SH3PXD2A: variants seen among roughly 807,000 people sequenced by gnomAD.
The protein encoded by SH3PXD2A is SH3 and PX domain-containing protein 2A.
Under a neutral mutation model 115.2 loss-of-function variants are expected in SH3PXD2A, and 32 were observed. The ratio of observed to expected loss-of-function variants is 0.28; its 90% CI spans 0.21 to 0.37. SH3PXD2A has a LOEUF of 0.37. Ranked by LOEUF, SH3PXD2A falls within the 10% of genes least tolerant of loss-of-function variation. The pLI is 1.00. For synonymous variants in SH3PXD2A, 610 were observed against 629.1 expected (o/e 0.97, Z 0.45); for missense variants, 1,328 against 1,498.7 (o/e 0.89, Z 1.88).
rs554267510 is a variant in SH3PXD2A at position 103,771,095 on chromosome 10, C to T, written c.154-3926G>A. On this transcript the variant is annotated intron_variant, in intron 2 of 14. Coordinates refer to ENST00000369774, the MANE Select transcript of SH3PXD2A (RefSeq NM_001394015.1). Reference sequence around the variant, plus strand: ...GAGGAGAGAGGTGGGCCCAGCAACACGCGCCCAGGTATGGAACGCTTTGTC... The same window carrying T: ...GAGGAGAGAGGTGGGCCCAGCAACATGCGCCCAGGTATGGAACGCTTTGTC... Among the ~76,000 whole-genome samples the T allele has an allele frequency of 1.5e-3, 226 of 152,264 alleles. 2 individuals carry two copies. The highest frequency in any genetic ancestry group is 2.6e-3 in the Non-Finnish European group (175 of 68,016).
intron 6 of SH3PXD2A, among the ~76,000 whole-genome samples, chr10:103,678,733 C>T (rs1187254902): frequency 6.6e-6 from 1 of 152,186 alleles, no homozygotes; most frequent in East Asian, 1.9e-4. Context: ...TCATGTGCAT[C>T]TCCTAGTGTC....
At chr10:103,630,036 G>T (rs1223489002) in intron 8 of SH3PXD2A, among the ~76,000 whole-genome samples, 3 of 152,222 alleles carry the variant, frequency 2.0e-5, no homozygotes, top group Non-Finnish European at 4.4e-5. Flanking sequence ...TTGCCTGAAG[G>T]TGGCTGGGGG....
At chr10:103,809,313 C>A (rs1468402968) in intron 1 of SH3PXD2A, among the ~76,000 whole-genome samples, 1 of 152,154 alleles carries the variant, frequency 6.6e-6, no homozygotes, top group Non-Finnish European at 1.5e-5. Context: ...AGTCCTGAGA[C>A]CATCTGACAA....
chr10:103,819,964 T>A (rs1200581807), intron 1 of SH3PXD2A, among the ~76,000 whole-genome samples: 1 of 151,788 alleles, frequency 6.6e-6, no homozygotes, highest in African/African-American at 2.4e-5. Context: ...AGAGTGGGAG[T>A]GGGTTCCCCA....
chr10:103,715,246 TG>T, intron 5 of SH3PXD2A, among the ~76,000 whole-genome samples: 1 of 152,360 alleles, frequency 6.6e-6, no homozygotes, highest in African/African-American at 2.4e-5. Flanking sequence ...ACAATCATTT[TG>T]CCACATGTAC....
At chr10:103,850,296 T>C (rs1254627137) in intron 1 of SH3PXD2A, among the ~76,000 whole-genome samples, 2 of 152,058 alleles carry the variant, frequency 1.3e-5, no homozygotes, top group Non-Finnish European at 2.9e-5. Context: ...CCAAAAGCCC[T>C]CACTCAGCTC....
intron 3 of SH3PXD2A, among the ~76,000 whole-genome samples, chr10:103,743,947 T>C (rs922661270): frequency 1.3e-5 from 2 of 152,148 alleles, no homozygotes; most frequent in African/African-American, 2.4e-5. Context: ...GAAGAGAGCA[T>C]AGAGCAGAGA....
chr10:103,675,716 T>C lies in SH3PXD2A; in HGVS notation c.428-7064A>G, dbSNP rs188936561. 5.3e-5 allele frequency among the ~76,000 whole-genome samples: 8 copies of C among 152,348 alleles called. No individual in the cohort carries two copies. The East Asian group carries it at 1.3e-3, about 26-fold the overall frequency. ...CTTGTTTAATCTTCACAACAGTCTGTAATTTACAGATGAGGAAAGTGAGGC... is the reference window on the plus strand; with the variant it reads ...CTTGTTTAATCTTCACAACAGTCTGCAATTTACAGATGAGGAAAGTGAGGC... On this transcript the variant is annotated intron_variant, in intron 6 of 14. Coordinates refer to ENST00000369774, the MANE Select transcript of SH3PXD2A (RefSeq NM_001394015.1).
chr10:103,836,706 C>CACAA (rs1554928966), intron 1 of SH3PXD2A, among the ~76,000 whole-genome samples: 1 of 149,672 alleles, frequency 6.7e-6, no homozygotes, highest in Non-Finnish European at 1.5e-5. Context: ...CACACACACA[C>CACAA]CCCTTCTTTT....
At position 103,724,255 on chromosome 10, in the gene SH3PXD2A, T is replaced by G; in HGVS notation, c.398+15A>C. The G allele has an allele frequency of 1.3e-6, 2 of 1,498,274 alleles. No homozygotes were observed. The highest frequency in any genetic ancestry group is 1.8e-6 in the Non-Finnish European group (2 of 1,104,420). The allele number at this position is 1,498,274 out of a possible 1,614,324, so 92.8% of individuals were successfully genotyped here. ...GCCTCCCCAGCACACAGGAGAGGCCTGAGCTATTACTTACTCTTTTGGAGG... is the reference window on the plus strand; with the variant it reads ...GCCTCCCCAGCACACAGGAGAGGCCGGAGCTATTACTTACTCTTTTGGAGG... On this transcript the variant is annotated intron_variant, in intron 5 of 14. Transcript: ENST00000369774.
intron 5 of SH3PXD2A, among the ~76,000 whole-genome samples, chr10:103,716,034 A>G (rs1283202953): frequency 6.6e-6 from 1 of 152,178 alleles, no homozygotes; most frequent in Non-Finnish European, 1.5e-5. Context: ...ATGGGAGGGG[A>G]GGATGAGAAA....
At chr10:103,697,048 T>C (rs1452437133) in intron 5 of SH3PXD2A, among the ~76,000 whole-genome samples, 1 of 152,094 alleles carries the variant, frequency 6.6e-6, no homozygotes, top group East Asian at 1.9e-4. Flanking sequence ...GTTCCTCTCT[T>C]GGCCCCTCCC....
At chr10:103,792,676 C>A (rs911214131) in intron 2 of SH3PXD2A, among the ~76,000 whole-genome samples, 17 of 152,142 alleles carry the variant, frequency 1.1e-4, no homozygotes. Flanking sequence ...AACCCAAGTG[C>A]CCTGGCCCTG....
intron 8 of SH3PXD2A, among the ~76,000 whole-genome samples, chr10:103,649,127 G>A (rs891488757): frequency 6.6e-6 from 1 of 152,198 alleles, no homozygotes; most frequent in Non-Finnish European, 1.5e-5. Context: ...CCCGTTTTCA[G>A]GTCCCTAGGG....
chr10:103,763,101 T>A (rs1047477090), intron 3 of SH3PXD2A, among the ~76,000 whole-genome samples: 3 of 151,916 alleles, frequency 2.0e-5, no homozygotes, highest in African/African-American at 7.3e-5. Context: ...GTGTCCTAGG[T>A]CCCAAGACTT....
intron 1 of SH3PXD2A, among the ~76,000 whole-genome samples, chr10:103,848,427 G>A (rs10748855): frequency 0.87 from 132,252 of 152,124 alleles, 58,676 homozygotes; most frequent in East Asian, 0.99. Flanking sequence ...GGAGCCCACC[G>A]GGAGGACCTC....
chr10:103,704,543 C>T (rs1350582478), intron 5 of SH3PXD2A, among the ~76,000 whole-genome samples: 2 of 152,200 alleles, frequency 1.3e-5, no homozygotes, highest in East Asian at 1.9e-4. Context: ...TCCCCAGAGG[C>T]GACAGGAGTG....
intron 8 of SH3PXD2A, among the ~76,000 whole-genome samples, chr10:103,658,220 C>T (rs2037239497): frequency 6.6e-6 from 1 of 152,342 alleles, no homozygotes; most frequent in African/African-American, 2.4e-5. Context: ...GGCTGGGTCC[C>T]CCTGTGGACA....
At chr10:103,727,752 G>A (rs557775553) in intron 4 of SH3PXD2A, among the ~76,000 whole-genome samples, 11 of 152,366 alleles carry the variant, frequency 7.2e-5, no homozygotes, top group Non-Finnish European at 1.2e-4. Context: ...AGGCCTTTTG[G>A]TGGAACAACC....
Sources: gnomAD v4.1 joint callset for allele counts (sites outside exome capture counted in the v4.1 genomes callset) on GRCh38, gnomAD v4.1.1 for gene constraint, MANE v1.5 for transcripts, NCBI Gene and HGNC (gene_info 2026-07-23, HGNC 2026-07-21) for gene names.